The following EIF3I variants were observed in gnomAD, a reference collection of about 807,000 sequenced individuals.
The protein encoded by EIF3I is eukaryotic translation initiation factor 3 subunit I, also known as TGF-beta receptor-interacting protein 1.
A neutral mutation model predicts 43.3 loss-of-function variants in EIF3I; 20 were observed. That is an observed-to-expected ratio of 0.46 (90% CI 0.32 to 0.67). The LOEUF (loss-of-function observed/expected upper bound fraction) is 0.67, where lower values mean the gene tolerates loss of function less well. Ranked by LOEUF, EIF3I falls within the 30% of genes least tolerant of loss-of-function variation. EIF3I has a pLI of 0.03. For synonymous variants in EIF3I, 167 were observed against 151.7 expected (o/e 1.10, Z -0.74); for missense variants, 279 against 421.4 (o/e 0.66, Z 2.96).
intron 8 of EIF3I, 79 bp downstream of exon 8, chr1:32,228,895 A>G (rs896276489): frequency 3.9e-5 from 51 of 1,292,498 alleles, no homozygotes; most frequent in Middle Eastern, 1.9e-4. Context: ...AAGTTGGGCT[A>G]CAACATTGTG....
chr1:32,229,793 C>T (rs1029755304), intron 9 of EIF3I, among the ~76,000 whole-genome samples: 2 of 151,870 alleles, frequency 1.3e-5, no homozygotes, highest in African/African-American at 2.4e-5. Context: ...TTAAGTAATC[C>T]GCCCACCTTG....
chr1:32,227,275 TAA>T (rs1005926284), intron 6 of EIF3I, among the ~76,000 whole-genome samples: 18 of 55,390 alleles, frequency 3.2e-4, no homozygotes, highest in African/African-American at 4.9e-4. Context: ...ACCCTGTCTC[TAA>T]AAAAAAAAAA....
chr1:32,224,586 C>A, intron 4 of EIF3I, 111 bp downstream of exon 4: 1 of 743,726 alleles, frequency 1.3e-6, no homozygotes, highest in Non-Finnish European at 2.3e-6. Context: ...AGTTTCCAGT[C>A]TAGGGAATAA....
At chr1:32,223,030 A>G (rs1246042994) in intron 2 of EIF3I, among the ~76,000 whole-genome samples, 1 of 152,206 alleles carries the variant, frequency 6.6e-6, no homozygotes, top group African/African-American at 2.4e-5. Context: ...GTGAGCTGAG[A>G]TCGTGCCACT....
Position 32,228,823 on chromosome 1 carries a change from G to A in EIF3I, c.729+7G>A, listed in dbSNP as rs575806880. ...CTCCCCCAACTATGACCATGTAAGA[G>A]AACCCCACCTGCCTTCCTGCTGAAG... is the stretch of plus-strand genomic sequence containing the variant. On this transcript the variant is annotated splice_region_variant and intron_variant, in intron 8 of 11. Transcript: ENST00000676679. The A allele has an allele frequency of 7.0e-5, 112 of 1,609,354 alleles. 2 individuals carry two copies. In the South Asian group the frequency reaches 1.1e-3, roughly 16 times the overall value.
At chr1:32,226,489 G>T (rs12085186) in exon 6 of EIF3I, 1 of 1,591,044 alleles carries the variant, frequency 6.3e-7, no homozygotes, top group Non-Finnish European at 8.5e-7. Context: ...GTGCATCATC[G>T]CTGGCCATGA....
chr1:32,226,053 C>A, intron 4 of EIF3I, 118 bp from the exon 5 acceptor site: 8 of 1,294,678 alleles, frequency 6.2e-6, no homozygotes, highest in African/African-American at 1.5e-5. Flanking sequence ...AGTTAAAATA[C>A]TTTTTAAGTT....
At chr1:32,231,257 A>G (rs1472585658) in exon 12 of EIF3I, 4 of 1,485,396 alleles carry the variant, frequency 2.7e-6, no homozygotes, top group Non-Finnish European at 3.7e-6. Flanking sequence ...CTTTTTTTTT[A>G]AGGCAGGCGG....
chr1:32,222,879 T>C (rs1356909653), intron 2 of EIF3I, among the ~76,000 whole-genome samples: 1 of 152,124 alleles, frequency 6.6e-6, no homozygotes, highest in African/African-American at 2.4e-5. Flanking sequence ...GGAGGGTCGC[T>C]TGAGCCCAGG....
In EIF3I at chr1:32,222,933, A is replaced by G. The variant is rs1569852520; in HGVS notation, c.96+303A>G. 3.9e-5 allele frequency among the ~76,000 whole-genome samples: 6 copies of G among 152,286 alleles called. No homozygotes were observed. In the South Asian group the frequency reaches 1.2e-3, roughly 32 times the overall value. On this transcript the variant is annotated intron_variant, in intron 2 of 11. Coordinates refer to ENST00000676679, the Ensembl canonical transcript of EIF3I. ...GCAACGTAGTAAGACCCATCTCTAC[A>G]CACAAAAAAATTAGCCTGACATGGT...
At chr1:32,223,730 A>T (rs568126415) in intron 2 of EIF3I, among the ~76,000 whole-genome samples, 1 of 152,320 alleles carries the variant, frequency 6.6e-6, no homozygotes, top group East Asian at 1.9e-4. Flanking sequence ...CATCAGAGAT[A>T]CTGTTTTTCT....
At chr1:32,231,049 G>T (rs771628201) in intron 11 of EIF3I, 30 bp downstream of exon 10, 2 of 1,612,864 alleles carry the variant, frequency 1.2e-6, no homozygotes, top group Admixed American at 1.7e-5. Context: ...GCTGACCTAA[G>T]CCTGGGTTGG....
At chr1:32,229,649 C>T (rs1409871983) in intron 9 of EIF3I, among the ~76,000 whole-genome samples, 2 of 149,126 alleles carry the variant, frequency 1.3e-5, no homozygotes, top group African/African-American at 4.9e-5. Context: ...TTCCCGGGTT[C>T]AAGCAATTAT....
chr1:32,224,990 C>T (rs965152825), intron 4 of EIF3I, among the ~76,000 whole-genome samples: 1 of 152,276 alleles, frequency 6.6e-6, no homozygotes, highest in South Asian at 2.1e-4. Flanking sequence ...TGCGCCATCA[C>T]ACCTGGCTAA....
chr1:32,226,528 A>G (rs1639149231), exon 6 of EIF3I: 1 of 1,531,692 alleles, frequency 6.5e-7, no homozygotes, highest in Non-Finnish European at 8.7e-7. Context: ...GTATAGTGCC[A>G]AGGTAAGAGG....
chr1:32,226,345 G>A, intron 5 of EIF3I, 25 bp downstream of exon 5: 1 of 1,614,046 alleles, frequency 6.2e-7, no homozygotes, highest in Non-Finnish European at 8.5e-7. Flanking sequence ...TAGGGCTGGG[G>A]TTGAGGTAAA....
At chr1:32,223,222 C>T (rs377633525) in intron 2 of EIF3I, among the ~76,000 whole-genome samples, 1 of 152,178 alleles carries the variant, frequency 6.6e-6, no homozygotes, top group African/African-American at 2.4e-5. Context: ...TAAGTCAATC[C>T]CATCCTGCTA....
chr1:32,230,139 A>G (rs1639213418), intron 9 of EIF3I, among the ~76,000 whole-genome samples: 2 of 151,106 alleles, frequency 1.3e-5, no homozygotes, highest in Non-Finnish European at 3.0e-5. Context: ...CTCTGTCCTC[A>G]GCCTCCCAAA....
At chr1:32,233,516 C>T (rs1316933053), downstream of EIF3I, among the ~76,000 whole-genome samples, 1 of 151,858 alleles carries the variant, frequency 6.6e-6, no homozygotes, top group Non-Finnish European at 1.5e-5. Flanking sequence ...GTCTCAAACT[C>T]CTGATCTCAG....
Sources: gnomAD v4.1 joint callset for allele counts (sites outside exome capture counted in the v4.1 genomes callset) on GRCh38, gnomAD v4.1.1 for gene constraint, MANE v1.5 for transcripts, NCBI Gene and HGNC (gene_info 2026-07-23, HGNC 2026-07-21) for gene names.